PRKAR1A: variants seen among roughly 807,000 people sequenced by gnomAD.
The protein encoded by PRKAR1A is cAMP-dependent protein kinase type I-alpha regulatory subunit.
Under a neutral mutation model 52.0 loss-of-function variants are expected in PRKAR1A, and 3 were observed. That is an observed-to-expected ratio of 0.06 (90% CI 0.03 to 0.15). The LOEUF (loss-of-function observed/expected upper bound fraction) is 0.15. Among genes scored for constraint, PRKAR1A ranks in the 10% least tolerant of loss-of-function variants. The probability of loss-of-function intolerance (pLI) is 1.00; values close to 1 mark genes in which losing one functional copy is unlikely to be tolerated. For missense variants in PRKAR1A, 240 were observed against 477.4 expected, an observed-to-expected ratio of 0.50 and a Z score of 4.63; for synonymous variants, 188 against 168.4, an observed-to-expected ratio of 1.12 and a Z score of -0.90.
rs562108489 is a variant in PRKAR1A, at chr17:68,513,251, C to T, written c.-7+703C>T. 2.6e-5 allele frequency: 4 copies of T among 152,332 alleles called. No individual in the cohort carries two copies. The South Asian group carries it at 6.2e-4, about 24-fold the overall frequency. The allele number at this position is 152,332 out of a possible 1,614,324, so 9.4% of individuals were successfully genotyped here. Reference sequence around the variant, plus strand: ...CGTGAAGTGAAGGGCATTTTCCTGCCCTTCTTCTAGAAAATACACGGTACC... The same window carrying T: ...CGTGAAGTGAAGGGCATTTTCCTGCTCTTCTTCTAGAAAATACACGGTACC... On this transcript the variant is annotated intron_variant, in intron 1 of 10. Coordinates refer to ENST00000589228, the MANE Select transcript of PRKAR1A (RefSeq NM_002734.5).
At chr17:68,417,823 C>T in the PRKAR1A span, among the ~76,000 whole-genome samples, 3 of 135,550 alleles carry the variant, frequency 2.2e-5, no homozygotes, top group Admixed American at 8.7e-5. Flanking sequence ...TCTCGGCTCC[C>T]AGGTTCACGT....
At chr17:68,525,629 C>A in intron 6 of PRKAR1A, 125 bp from the exon 7 acceptor site, 1 of 1,059,772 alleles carries the variant, frequency 9.4e-7, no homozygotes. Context: ...GTACTGCAAA[C>A]ATAATATATT....
chr17:68,444,473 G>A, the PRKAR1A span: 3 of 1,601,828 alleles, frequency 1.9e-6, no homozygotes, highest in Non-Finnish European at 2.6e-6. Flanking sequence ...AGGGACATTT[G>A]TTCCATTTTT....
At position 68,523,682 on chromosome 17, in the gene PRKAR1A, T is replaced by C. The variant is rs569250465; in HGVS notation, c.349-43T>C. 11 of 1,508,172 alleles carry C rather than the reference T, an allele frequency of 7.3e-6. 1 individual carries two copies. The highest frequency in any genetic ancestry group is 2.0e-4 in the Middle Eastern group (1 of 5,030). 93.4% of individuals were successfully genotyped at this position (1,508,172 alleles called of 1,614,324 possible). Reference sequence around the variant, plus strand: ...GCGCAGGTTGCAAACGTGAAATGTTTTTGGTTTATGGAATTGTCATTTGAC... The same window carrying C: ...GCGCAGGTTGCAAACGTGAAATGTTCTTGGTTTATGGAATTGTCATTTGAC... On this transcript the variant is annotated intron_variant, in intron 3 of 10. Transcript: ENST00000589228.
the PRKAR1A span, among the ~76,000 whole-genome samples, chr17:68,478,822 G>C: frequency 2.6e-5 from 4 of 151,866 alleles, no homozygotes; most frequent in Non-Finnish European, 5.9e-5. Flanking sequence ...CCGCCTCCCG[G>C]ATTCAAGCAA....
At chr17:68,536,404 A>C, downstream of PRKAR1A, 1 of 454,108 alleles carries the variant, frequency 2.2e-6, no homozygotes, top group Non-Finnish European at 4.4e-6. Flanking sequence ...AAAGCCTCCT[A>C]TTAAAAGGAG....
intron 2 of PRKAR1A, among the ~76,000 whole-genome samples, chr17:68,519,043 C>T (rs2085521237): frequency 6.6e-6 from 1 of 152,174 alleles, no homozygotes; most frequent in Non-Finnish European, 1.5e-5. Context: ...TTACTATCAG[C>T]ATTTTGGTCA....
At chr17:68,421,701 C>T in the PRKAR1A span, 26 of 1,607,742 alleles carry the variant, frequency 1.6e-5, no homozygotes, top group Non-Finnish European at 2.2e-5. Flanking sequence ...GCACTCCATT[C>T]TTCCGCCTTC....
chr17:68,450,976 G>T, the PRKAR1A span: 1 of 1,516,534 alleles, frequency 6.6e-7, no homozygotes, highest in South Asian at 1.3e-5. Context: ...CACTGGGCCC[G>T]GCGCAGGCCA....
At chr17:68,462,484 A>G in the PRKAR1A span, among the ~76,000 whole-genome samples, 1 of 152,168 alleles carries the variant, frequency 6.6e-6, no homozygotes, top group Non-Finnish European at 1.5e-5. Flanking sequence ...GCGATACTTG[A>G]AAATAGAAGA....
chr17:68,548,985 G>T (rs2086706319), intron 11 of PRKAR1A, among the ~76,000 whole-genome samples: 1 of 152,012 alleles, frequency 6.6e-6, no homozygotes, highest in African/African-American at 2.4e-5. Flanking sequence ...GCCCGCCTCA[G>T]CCTCCCAAAG....
the PRKAR1A span, among the ~76,000 whole-genome samples, chr17:68,446,802 G>C: frequency 8.5e-5 from 13 of 152,166 alleles, no homozygotes; most frequent in African/African-American, 3.1e-4. Flanking sequence ...GATCTGATCT[G>C]CATTTTTTTC....
At chr17:68,420,605 C>T in the PRKAR1A span, 2 of 983,292 alleles carry the variant, frequency 2.0e-6, no homozygotes, top group East Asian at 2.4e-5. Flanking sequence ...CATATCCCTT[C>T]TGTATCCTGT....
chr17:68,464,699 CA>C, the PRKAR1A span, among the ~76,000 whole-genome samples: 2 of 81,138 alleles, frequency 2.5e-5, no homozygotes, highest in South Asian at 3.4e-4. Flanking sequence ...AAAAAAAAAA[CA>C]AAAAAAACAA....
chr17:68,458,536 C>G, the PRKAR1A span, among the ~76,000 whole-genome samples: 2 of 152,140 alleles, frequency 1.3e-5, no homozygotes, highest in South Asian at 4.1e-4. Context: ...TAAACAAGAC[C>G]TATCCGATCC....
the PRKAR1A span, among the ~76,000 whole-genome samples, chr17:68,448,973 C>T: frequency 6.6e-5 from 10 of 152,268 alleles, no homozygotes; most frequent in South Asian, 2.1e-4. Flanking sequence ...TATTTTTCAC[C>T]GCACTGCTTT....
chr17:68,544,395 G>A (rs1250984040), intron 11 of PRKAR1A, among the ~76,000 whole-genome samples: 4 of 152,188 alleles, frequency 2.6e-5, no homozygotes, highest in Non-Finnish European at 5.9e-5. Context: ...GTACATTCAT[G>A]AAAGTGCTTT....
At chr17:68,495,696 A>C in the PRKAR1A span, among the ~76,000 whole-genome samples, 2 of 152,160 alleles carry the variant, frequency 1.3e-5, no homozygotes, top group East Asian at 3.9e-4. Flanking sequence ...TTATCTGTGT[A>C]TTAGTTTCTT....
chr17:68,539,674 G>A (rs1304068090), intron 11 of PRKAR1A, among the ~76,000 whole-genome samples: 1 of 152,246 alleles, frequency 6.6e-6, no homozygotes, highest in Non-Finnish European at 1.5e-5. Context: ...TCACTAGAGG[G>A]CACACGAGTG....
Sources: allele counts gnomAD v4.1 joint callset (sites outside exome capture counted in the v4.1 genomes callset), GRCh38; gene constraint gnomAD v4.1.1; transcripts MANE v1.5; gene names NCBI Gene and HGNC (gene_info 2026-07-23, HGNC 2026-07-21).